Variants in CDKN2A observed in about 807,000 individuals in gnomAD.
CDKN2A encodes the protein cyclin-dependent kinase inhibitor 2A.
Under a neutral mutation model 11.1 loss-of-function variants are expected in CDKN2A, and 3 were observed. The observed-to-expected ratio is 0.27, with a 90% CI of 0.12 to 0.70. CDKN2A has a LOEUF of 0.70. CDKN2A is among the 30% of genes least tolerant of loss of function. The pLI is 0.77. For missense variants in CDKN2A, 265 were observed against 233.6 expected, an observed-to-expected ratio of 1.13 and a Z score of -0.88; for synonymous variants, 122 against 108.1, an observed-to-expected ratio of 1.13 and a Z score of -0.80.
At chr9:21,981,962 G>T (rs1449876039) in intron 2 of CDKN2A, among the ~76,000 whole-genome samples, 1 of 152,132 alleles carries the variant, frequency 6.6e-6, no homozygotes, top group Non-Finnish European at 1.5e-5. Context: ...CCTGGGAGTA[G>T]ATCTCTAGAA....
chr9:21,994,484 C>T, intron 1 of CDKN2A: 2 of 1,484,190 alleles, frequency 1.3e-6, no homozygotes, highest in Non-Finnish European at 8.9e-7. Context: ...ACCCGCCTTC[C>T]CTGAGCGCGC....
At chr9:21,981,058 GTATATATATATACGTGTA>G (rs1820177004) in intron 2 of CDKN2A, among the ~76,000 whole-genome samples, 1 of 13,616 alleles carries the variant, frequency 7.3e-5, no homozygotes, top group Non-Finnish European at 1.7e-4. Flanking sequence ...ATATATACGT[GTATATATATATACGTGTA>G]TATATATATA....
upstream of CDKN2A, among the ~76,000 whole-genome samples, chr9:21,977,959 T>C (rs1262245136): frequency 6.6e-6 from 1 of 152,068 alleles, no homozygotes; most frequent in Non-Finnish European, 1.5e-5. Context: ...TTGGATGCAT[T>C]ATAAACAGGT....
upstream of CDKN2A, chr9:21,975,075 C>A: frequency 1.5e-6 from 2 of 1,317,612 alleles, no homozygotes; most frequent in East Asian, 3.1e-5. Flanking sequence ...GAATGTGGCA[C>A]CCCTGAAGTC....
intron 2 of CDKN2A, chr9:21,970,120 G>C (rs1015873299): frequency 2.3e-5 from 6 of 262,888 alleles, no homozygotes; most frequent in East Asian, 1.1e-4. Flanking sequence ...AGTAATGTTG[G>C]CAGTTTCAGC....
chr9:21,994,538 C>G (rs1820552281), intron 1 of CDKN2A: 2 of 1,258,770 alleles, frequency 1.6e-6, no homozygotes, highest in Admixed American at 3.0e-5. Flanking sequence ...CCCCCACTCC[C>G]ACCCGGACCT....
chr9:21,974,425 TC>T lies in CDKN2A; in HGVS notation c.150+252del, dbSNP rs1200952411. On this transcript the variant is annotated intron_variant, in intron 1 of 2. Transcript: ENST00000304494. This position sits in a 1 kb window ranked among gnomAD's most constrained non-coding sequence, Gnocchi z 5.2. Reference sequence around the variant, plus strand: ...ATACTTCCATCTAATACAAATATGTTCCCCCCTTCAGATCTTCTCAGCATTC... The same window carrying T: ...ATACTTCCATCTAATACAAATATGTTCCCCCTTCAGATCTTCTCAGCATTC... 13 of 1,607,578 alleles carry T rather than the reference TC, an allele frequency of 8.1e-6. No individual in the cohort carries two copies. The East Asian group carries it at 2.5e-4, about 31-fold the overall frequency.
At chr9:21,993,940 T>C in exon 2 of CDKN2A, 1 of 649,734 alleles carries the variant, frequency 1.5e-6, no homozygotes, top group Non-Finnish European at 2.7e-6. Context: ...ATTGAGGGGC[T>C]GTGTGAAGGG....
At chr9:21,986,943 T>C (rs778128014) in intron 2 of CDKN2A, among the ~76,000 whole-genome samples, 1 of 151,988 alleles carries the variant, frequency 6.6e-6, no homozygotes, top group African/African-American at 2.4e-5. Flanking sequence ...ATACAATTGC[T>C]GAGTCAGATG....
At chr9:21,983,758 G>C (rs1820245192) in intron 2 of CDKN2A, among the ~76,000 whole-genome samples, 1 of 152,016 alleles carries the variant, frequency 6.6e-6, no homozygotes, top group South Asian at 2.1e-4. Flanking sequence ...TATGGCCACA[G>C]CTACTTAATT....
upstream of CDKN2A, among the ~76,000 whole-genome samples, chr9:21,978,441 C>G (rs1820093087): frequency 6.6e-6 from 1 of 151,984 alleles, no homozygotes; most frequent in Non-Finnish European, 1.5e-5. Context: ...GCTCCTTATG[C>G]CAGTCTCAGA....
At chr9:21,970,469 A>G in intron 2 of CDKN2A, 2 of 395,808 alleles carry the variant, frequency 5.1e-6, no homozygotes, top group South Asian at 3.5e-5. Context: ...GCCACGCACA[A>G]TTGGGTTTGG....
chr9:21,974,942 GGCGGAAGA>G, upstream of CDKN2A: 9 of 1,423,656 alleles, frequency 6.3e-6, no homozygotes, highest in Non-Finnish European at 8.2e-6. The surrounding 1 kb of genome is among the most constrained non-coding windows in gnomAD (Gnocchi z 5.2). Context: ...CTCCGGTGCT[GGCGGAAGA>G]GCCCCCTCCG....
rs539257071 is a variant in CDKN2A at position 21,974,520 on chromosome 9, G to T, written c.150+158C>A. On this transcript the variant is annotated intron_variant, in intron 1 of 2. Coordinates refer to ENST00000304494, the MANE Select transcript of CDKN2A (RefSeq NM_000077.5). The surrounding 1 kb of genome is among the most constrained non-coding windows in gnomAD (Gnocchi z 5.2). Reference sequence around the variant, plus strand: ...TTCCCAAGCCCCCAGGGCGTCGCCAGGAGGAGGTCTGTGATTACAAACCCC... The same window carrying T: ...TTCCCAAGCCCCCAGGGCGTCGCCATGAGGAGGTCTGTGATTACAAACCCC... The T allele has an allele frequency of 1.2e-6, 2 of 1,613,226 alleles. No homozygotes were observed. The highest frequency in any genetic ancestry group is 3.3e-5 in the Admixed American group (2 of 60,024).
At position 21,974,721 on chromosome 9, in the gene CDKN2A, G is replaced by A. The variant is rs200382984; in HGVS notation, c.107C>T (p.Ala36Val). 7 of 1,602,866 alleles carry A rather than the reference G, an allele frequency of 4.4e-6. No individual in the cohort carries two copies. The highest frequency in any genetic ancestry group is 5.1e-6 in the Non-Finnish European group (6 of 1,177,726). Reference sequence around the variant, plus strand: ...GTAACTATTCGGTGCGTTGGGCAGCGCCCCCGCCTCCAGCAGCGCCCGCAC... The same window carrying A: ...GTAACTATTCGGTGCGTTGGGCAGCACCCCCGCCTCCAGCAGCGCCCGCAC... ...EEVRALLEAG[A>V]LPNAPNSYGR... Residue 36 changes from alanine to valine, a missense_variant, in exon 1 of 3, where the codon GCG becomes GTG. Coordinates refer to ENST00000304494, the MANE Select transcript of CDKN2A (RefSeq NM_000077.5). The surrounding 1 kb of genome is among the most constrained non-coding windows in gnomAD (Gnocchi z 5.2).
chr9:21,980,972 GTA>G (rs1203554030), intron 2 of CDKN2A, among the ~76,000 whole-genome samples: 1 of 9,544 alleles, frequency 1.0e-4, no homozygotes, highest in African/African-American at 2.0e-4. Context: ...AAAAAAAAAT[GTA>G]TATATATATA....
At chr9:21,981,298 G>C (rs1820193768) in intron 2 of CDKN2A, among the ~76,000 whole-genome samples, 1 of 150,170 alleles carries the variant, frequency 6.7e-6, no homozygotes, top group Non-Finnish European at 1.5e-5. Flanking sequence ...AGACTGGGGT[G>C]ATGCATTCTG....
intron 2 of CDKN2A, among the ~76,000 whole-genome samples, chr9:21,990,342 C>T (rs1051756155): frequency 6.6e-6 from 1 of 152,098 alleles, no homozygotes; most frequent in African/African-American, 2.4e-5. Flanking sequence ...CAGGTTTTCC[C>T]AGACCTTAAA....
At chr9:21,977,461 G>A (rs1820065174), upstream of CDKN2A, among the ~76,000 whole-genome samples, 1 of 152,134 alleles carries the variant, frequency 6.6e-6, no homozygotes, top group Non-Finnish European at 1.5e-5. Flanking sequence ...CGCCTCCCGG[G>A]TTCGAGCAAT....
Sources: allele counts gnomAD v4.1 joint callset (sites outside exome capture counted in the v4.1 genomes callset), GRCh38; gene constraint gnomAD v4.1.1; non-coding constraint Gnocchi (gnomAD v3.1); transcripts MANE v1.5; gene names NCBI Gene and HGNC (gene_info 2026-07-23, HGNC 2026-07-21).